CADPS: variants seen among roughly 807,000 people sequenced by gnomAD.
The protein encoded by CADPS is calcium-dependent secretion activator 1.
A neutral mutation model predicts 167.3 loss-of-function variants in CADPS; 57 were observed. That is an observed-to-expected ratio of 0.34 (90% confidence interval 0.28 to 0.42). CADPS has a LOEUF of 0.42. CADPS is among the 20% of genes least tolerant of loss of function. CADPS has a pLI of 1.00. For synonymous variants in CADPS, 676 were observed against 635.3 expected, an observed-to-expected ratio of 1.06 and a Z score of -0.96; for missense variants, 1,414 against 1,738.1, an observed-to-expected ratio of 0.81 and a Z score of 3.32.
chr3:62,682,604 A>T (rs1377998247), intron 3 of CADPS, among the ~76,000 whole-genome samples: 2 of 152,104 alleles, frequency 1.3e-5, no homozygotes, highest in African/African-American at 2.4e-5. Context: ...CTAGTTTAAC[A>T]TTGCAAAATC....
At chr3:62,704,499 T>C (rs2081988125) in intron 3 of CADPS, among the ~76,000 whole-genome samples, 1 of 152,156 alleles carries the variant, frequency 6.6e-6, no homozygotes, top group African/African-American at 2.4e-5. Flanking sequence ...TCAACTACCA[T>C]TTTATTTATT....
chr3:62,694,053 T>C (rs966469102), intron 3 of CADPS, among the ~76,000 whole-genome samples: 3 of 152,046 alleles, frequency 2.0e-5, no homozygotes, highest in African/African-American at 7.2e-5. Flanking sequence ...GCTCGCTCAA[T>C]GGGCCTAGGT....
chr3:62,445,679 A>G, intron 27 of CADPS, 86 bp downstream of exon 27: 1 of 999,418 alleles, frequency 1.0e-6, no homozygotes. Flanking sequence ...GAGTAGCACT[A>G]TCAAAATTCT....
Position 62,399,258 on chromosome 3 carries a change from G to T in CADPS, c.*148C>A. On this transcript the variant is annotated 3_prime_UTR_variant, in exon 30 of 30. Transcript: ENST00000383710. The surrounding 1 kb of genome is among the most constrained non-coding windows in gnomAD (Gnocchi z 5.6). ...GATATGAAGGTCATTTGCTAATCTTGGTACCACATAGCTAAAATGGCAGTT... is the reference window on the plus strand; with the variant it reads ...GATATGAAGGTCATTTGCTAATCTTTGTACCACATAGCTAAAATGGCAGTT... The T allele has an allele frequency of 1.5e-6, 1 of 667,114 alleles. No homozygotes were observed. The highest frequency in any genetic ancestry group is 2.6e-6 in the Non-Finnish European group (1 of 391,496). The allele number at this position is 667,114 out of a possible 1,614,324, so 41.3% of individuals were successfully genotyped here.
At position 62,465,400 on chromosome 3, in the gene CADPS, T is replaced by C. The variant is rs1040574477; in HGVS notation, c.3603A>G (p.Glu1201=). 33 of 1,610,274 alleles carry C rather than the reference T, an allele frequency of 2.0e-5. No individual in the cohort carries two copies. Among genetic ancestry groups the C allele is most frequent in the Admixed American group, 5.0e-5 (3 of 59,484 alleles). ...GVLAKLSRYD[E]GTLFSSFLSF... is the part of the protein sequence containing the mutation. ...ACAGAAAAGAAGAAAACAAAGTCCC[T>C]TCGTCATATCTGGATAATTTTGCCA... Residue 1201 remains glutamate, a synonymous_variant, in exon 26 of 30, where the codon GAA becomes GAG. Transcript: ENST00000383710. This position sits in a 1 kb window ranked among gnomAD's most constrained non-coding sequence, Gnocchi z 4.1.
chr3:62,620,300 G>C (rs2062974320), intron 6 of CADPS, among the ~76,000 whole-genome samples: 2 of 152,088 alleles, frequency 1.3e-5, no homozygotes, highest in African/African-American at 4.8e-5. Flanking sequence ...TGTGCTAAGT[G>C]CTTTTGCTGC....
intron 26 of CADPS, among the ~76,000 whole-genome samples, chr3:62,463,544 C>T (rs1353996524): frequency 6.6e-6 from 1 of 152,144 alleles, no homozygotes; most frequent in East Asian, 1.9e-4. Flanking sequence ...ACTCATTTGC[C>T]CATCTGCCTT....
At chr3:62,507,443 G>A (rs569233678) in intron 17 of CADPS, among the ~76,000 whole-genome samples, 11 of 151,830 alleles carry the variant, frequency 7.2e-5, no homozygotes, top group African/African-American at 2.7e-4. Flanking sequence ...AACAAGGGTA[G>A]GGAGCATGAC....
intron 8 of CADPS, among the ~76,000 whole-genome samples, chr3:62,571,843 C>T (rs947283685): frequency 6.6e-6 from 1 of 152,108 alleles, no homozygotes; most frequent in Non-Finnish European, 1.5e-5. Context: ...GGATTACAGG[C>T]GTGAGCCACC....
At chr3:62,611,098 C>T (rs1181068488) in intron 6 of CADPS, among the ~76,000 whole-genome samples, 1 of 152,046 alleles carries the variant, frequency 6.6e-6, no homozygotes, top group Non-Finnish European at 1.5e-5. Flanking sequence ...GCTGAGAAAT[C>T]CTGGTCAGCA....
rs17066832 is a variant in CADPS, at chr3:62,688,610, C to G, written c.889-26216G>C. 7.2e-3 allele frequency among the ~76,000 whole-genome samples: 1,102 copies of G among 152,206 alleles called. 26 individuals are homozygous for G. The highest frequency in any genetic ancestry group is 0.025 in the African/African-American group (1,030 of 41,526). ...TTGCCAACTCTTCTAAGGCACCCAGCTAGTTAAGAGCCTCATTTTATTCTT... is the reference window on the plus strand; with the variant it reads ...TTGCCAACTCTTCTAAGGCACCCAGGTAGTTAAGAGCCTCATTTTATTCTT... On this transcript the variant is annotated intron_variant, in intron 3 of 29. Coordinates refer to ENST00000383710, the MANE Select transcript of CADPS (RefSeq NM_003716.4).
intron 28 of CADPS, among the ~76,000 whole-genome samples, chr3:62,411,360 T>C (rs1317108732): frequency 1.3e-5 from 2 of 151,946 alleles, no homozygotes; most frequent in Non-Finnish European, 2.9e-5. Context: ...TGGCAAGGAG[T>C]CAAAGAGGAA....
intron 11 of CADPS, among the ~76,000 whole-genome samples, chr3:62,547,634 C>T (rs1001341765): frequency 3.3e-5 from 4 of 121,074 alleles, no homozygotes; most frequent in Non-Finnish European, 6.4e-5. Context: ...GCTTTGGATG[C>T]TCCATTTAAC....
Position 62,412,683 on chromosome 3 carries a change from CTT to C in CADPS, c.3778-9500_3778-9499del, listed in dbSNP as rs988805197. Among the ~76,000 whole-genome samples the C allele has an allele frequency of 3.3e-5, 5 of 152,148 alleles. No homozygotes were observed. The highest frequency in any genetic ancestry group is 1.2e-4 in the African/African-American group (5 of 41,428). ...GATGAATCCACAAGTAGACTCCCGA[CTT>C]AATGCATTTCAGCCTTCTAACCCAA... On this transcript the variant is annotated intron_variant, in intron 28 of 29. Transcript: ENST00000383710. The surrounding 1 kb of genome is among the most constrained non-coding windows in gnomAD (Gnocchi z 4.1).
intron 28 of CADPS, among the ~76,000 whole-genome samples, chr3:62,416,618 G>A (rs1288187899): frequency 6.6e-6 from 1 of 152,126 alleles, no homozygotes; most frequent in Non-Finnish European, 1.5e-5. Context: ...ACCGAACAAT[G>A]CCCAATAAAA....
chr3:62,858,529 G>T (rs1025354663), intron 1 of CADPS, among the ~76,000 whole-genome samples: 5 of 151,942 alleles, frequency 3.3e-5, no homozygotes, highest in Admixed American at 6.6e-5. Flanking sequence ...CTGGGAATGG[G>T]GTATAATTTT....
chr3:62,554,152 G>C (rs1347808600), intron 10 of CADPS, among the ~76,000 whole-genome samples: 2 of 152,156 alleles, frequency 1.3e-5, no homozygotes, highest in Admixed American at 1.3e-4. Context: ...TTATTTGAAG[G>C]CTTAATTATC....
intron 11 of CADPS, among the ~76,000 whole-genome samples, chr3:62,539,527 A>T (rs75220810): frequency 2.4e-5 from 3 of 123,870 alleles, no homozygotes; most frequent in African/African-American, 1.3e-4. Context: ...TTATGTTATA[A>T]AAAAAAAAAG....
At chr3:62,619,824 A>G (rs73840532) in intron 6 of CADPS, among the ~76,000 whole-genome samples, 5,772 of 152,178 alleles carry the variant, frequency 0.038, 356 homozygotes, top group African/African-American at 0.13. Context: ...ATATTATTCA[A>G]TGTACTGTGT....
Sources: allele counts gnomAD v4.1 joint callset (sites outside exome capture counted in the v4.1 genomes callset), GRCh38; gene constraint gnomAD v4.1.1; non-coding constraint Gnocchi (gnomAD v3.1); transcripts MANE v1.5; gene names NCBI Gene and HGNC (gene_info 2026-07-23, HGNC 2026-07-21).